Variants in LDLRAD4 observed in about 807,000 individuals in gnomAD.
LDLRAD4 encodes low-density lipoprotein receptor class A domain-containing protein 4.
LDLRAD4 carries 5 observed loss-of-function variants against 17.0 expected under a neutral mutation model. The ratio of observed to expected loss-of-function variants is 0.29; its 90% CI spans 0.15 to 0.62. The LOEUF (loss-of-function observed/expected upper bound fraction) is 0.62, where lower values mean the gene tolerates loss of function less well. Ranked by LOEUF, LDLRAD4 falls within the 20% of genes least tolerant of loss-of-function variation. The pLI, the probability that LDLRAD4 is intolerant of heterozygous loss-of-function variation, is 0.84. For missense variants in LDLRAD4, 340 were observed against 424.7 expected (o/e 0.80, Z 1.75); for synonymous variants, 168 against 171.8 (o/e 0.98, Z 0.17).
intron 3 of LDLRAD4, chr18:13,616,307 G>A (rs1011177274): frequency 1.3e-5 from 2 of 152,154 alleles, no homozygotes; most frequent in Non-Finnish European, 2.9e-5. Context: ...GGTCATGGAG[G>A]GAGAGGGCAT....
At chr18:13,249,702 GT>G (rs2043139627) in intron 1 of LDLRAD4, among the ~76,000 whole-genome samples, 1 of 151,866 alleles carries the variant, frequency 6.6e-6, no homozygotes, top group Admixed American at 6.6e-5. Flanking sequence ...TGTAGGTCAT[GT>G]TTTTACTCTG....
chr18:13,284,029 C>T (rs1340089421), intron 1 of LDLRAD4, among the ~76,000 whole-genome samples: 2 of 152,180 alleles, frequency 1.3e-5, no homozygotes, highest in Non-Finnish European at 2.9e-5. Flanking sequence ...CAATTACCTT[C>T]CGCTGGGTCC....
chr18:13,611,502 T>C, intron 3 of LDLRAD4: 1 of 985,276 alleles, frequency 1.0e-6, no homozygotes, highest in Non-Finnish European at 1.2e-6. Context: ...GGAGATGTTT[T>C]ACACTCAGAT....
At chr18:13,220,670 C>CT (rs1198595884) in intron 1 of LDLRAD4, among the ~76,000 whole-genome samples, 3 of 152,232 alleles carry the variant, frequency 2.0e-5, no homozygotes, top group Non-Finnish European at 4.4e-5. Flanking sequence ...AAGGGCCCGT[C>CT]TGCAGAGGTG....
intron 1 of LDLRAD4, among the ~76,000 whole-genome samples, chr18:13,370,003 G>T (rs563146201): frequency 6.6e-6 from 1 of 152,192 alleles, no homozygotes; most frequent in African/African-American, 2.4e-5. Flanking sequence ...ACTAGAATGC[G>T]TCTCCATTAG....
intron 1 of LDLRAD4, among the ~76,000 whole-genome samples, chr18:13,264,085 G>A (rs138986599): frequency 3.0e-3 from 456 of 152,316 alleles, no homozygotes; most frequent in Middle Eastern, 0.01. Context: ...GACACGACCC[G>A]GCCCTGTCCC....
chr18:13,287,075 G>T (rs1438397851), intron 1 of LDLRAD4, among the ~76,000 whole-genome samples: 1 of 152,160 alleles, frequency 6.6e-6, no homozygotes, highest in Non-Finnish European at 1.5e-5. Flanking sequence ...CTGGAGATTG[G>T]CTAGAAAGCA....
intron 1 of LDLRAD4, among the ~76,000 whole-genome samples, chr18:13,267,220 C>CT (rs902909021): frequency 3.3e-5 from 5 of 151,568 alleles, no homozygotes; most frequent in Non-Finnish European, 5.9e-5. Flanking sequence ...GAGTGATACA[C>CT]TTTTTTTTTG....
At chr18:13,483,865 T>C (rs970581990) in intron 3 of LDLRAD4, among the ~76,000 whole-genome samples, 1 of 152,158 alleles carries the variant, frequency 6.6e-6, no homozygotes, top group African/African-American at 2.4e-5. Flanking sequence ...TTCCTGGTCC[T>C]ATGAAGGTCT....
At chr18:13,564,161 C>T (rs946316314) in intron 3 of LDLRAD4, among the ~76,000 whole-genome samples, 1 of 152,210 alleles carries the variant, frequency 6.6e-6, no homozygotes, top group Non-Finnish European at 1.5e-5. Context: ...GTATTATAGG[C>T]GTGAGTCGAC....
intron 3 of LDLRAD4, among the ~76,000 whole-genome samples, chr18:13,445,621 G>A (rs1227680600): frequency 4.6e-5 from 7 of 151,066 alleles, no homozygotes; most frequent in Admixed American, 4.0e-4. Flanking sequence ...GAGTGTGTGT[G>A]CGTGTGTGTG....
chr18:13,514,131 A>G (rs2093826274), intron 3 of LDLRAD4, among the ~76,000 whole-genome samples: 1 of 152,210 alleles, frequency 6.6e-6, no homozygotes, highest in Admixed American at 6.5e-5. Context: ...AGTAAACTGT[A>G]TATAGGTCTC....
chr18:13,548,238 G>T (rs1255075354), intron 3 of LDLRAD4, among the ~76,000 whole-genome samples: 1 of 152,122 alleles, frequency 6.6e-6, no homozygotes, highest in East Asian at 1.9e-4. Flanking sequence ...GGCAGCCATT[G>T]GCAGGCCTGG....
intron 3 of LDLRAD4, among the ~76,000 whole-genome samples, chr18:13,525,024 A>AGTGTGCGTGCGCCTTTGCATGGAT: frequency 6.6e-6 from 1 of 152,274 alleles, no homozygotes; most frequent in Admixed American, 6.5e-5. Flanking sequence ...TTGGTTTGGG[A>AGTGTGCGTGCGCCTTTGCATGGAT]GTGTGCGTGC....
At chr18:13,219,186 T>G (rs1356621823) in intron 1 of LDLRAD4, among the ~76,000 whole-genome samples, 198 bp downstream of exon 1, 2 of 148,982 alleles carry the variant, frequency 1.3e-5, no homozygotes, top group African/African-American at 5.0e-5. Flanking sequence ...CATCCGAGAG[T>G]ACAGCGTTCT....
At chr18:13,565,465 C>T (rs900602419) in intron 3 of LDLRAD4, among the ~76,000 whole-genome samples, 2 of 152,260 alleles carry the variant, frequency 1.3e-5, no homozygotes, top group African/African-American at 2.4e-5. Flanking sequence ...CTGCGGTCCT[C>T]AGCCACACAG....
intron 4 of LDLRAD4, among the ~76,000 whole-genome samples, chr18:13,637,240 G>A (rs1225429170): frequency 1.3e-5 from 2 of 152,044 alleles, no homozygotes; most frequent in Non-Finnish European, 2.9e-5. Context: ...TGACTGCCTC[G>A]GTGGGAAGCT....
chr18:13,313,211 G>A (rs1044458840), intron 1 of LDLRAD4, among the ~76,000 whole-genome samples: 2 of 152,184 alleles, frequency 1.3e-5, no homozygotes, highest in Admixed American at 6.5e-5. Flanking sequence ...CAAACTTTTT[G>A]TGTCCTTATT....
chr18:13,238,526 G>T (rs1314451003), intron 1 of LDLRAD4, among the ~76,000 whole-genome samples: 1 of 152,218 alleles, frequency 6.6e-6, no homozygotes, highest in Non-Finnish European at 1.5e-5. Flanking sequence ...TCTGTAATAA[G>T]CTGGGTTATT....
Sources: allele counts gnomAD v4.1 joint callset (sites outside exome capture counted in the v4.1 genomes callset), GRCh38; gene constraint gnomAD v4.1.1; transcripts MANE v1.5; gene names NCBI Gene and HGNC (gene_info 2026-07-23, HGNC 2026-07-21).